The following ADAM19 variants were observed in gnomAD, a reference collection of about 807,000 sequenced individuals.
The protein encoded by ADAM19 is ADAM metallopeptidase domain 19, also known as disintegrin and metalloproteinase domain-containing protein 19.
Under a neutral mutation model 114.7 loss-of-function variants are expected in ADAM19, and 65 were observed. The observed-to-expected ratio is 0.57, with a 90% CI of 0.46 to 0.70. ADAM19 has a LOEUF of 0.70. ADAM19 is among the 30% of genes least tolerant of loss of function. The probability of loss-of-function intolerance (pLI) is 0.00; values close to 1 mark genes in which losing one functional copy is unlikely to be tolerated. For missense variants in ADAM19, 1,063 were observed against 1,204.7 expected (o/e 0.88, Z 1.74); for synonymous variants, 466 against 460.5 (o/e 1.01, Z -0.15).
At chr5:157,482,172 CAT>C (rs1420075909) in intron 21 of ADAM19, among the ~76,000 whole-genome samples, 1 of 152,084 alleles carries the variant, frequency 6.6e-6, no homozygotes. Flanking sequence ...ATCTTTTTTT[CAT>C]ATGTTTGTTG....
At chr5:157,500,713 G>A (rs1755532270) in intron 12 of ADAM19, among the ~76,000 whole-genome samples, 1 of 152,040 alleles carries the variant, frequency 6.6e-6, no homozygotes, top group Admixed American at 6.6e-5. Flanking sequence ...TCCTGGCCTG[G>A]ACCTTTCTGG....
chr5:157,533,042 G>C (rs545025374), intron 4 of ADAM19, among the ~76,000 whole-genome samples: 1 of 151,990 alleles, frequency 6.6e-6, no homozygotes, highest in Admixed American at 6.6e-5. Context: ...GCCTCAAGGC[G>C]CCTGGAAGCC....
chr5:157,562,817 G>A (rs942145933), intron 3 of ADAM19, among the ~76,000 whole-genome samples: 11 of 152,296 alleles, frequency 7.2e-5, no homozygotes, highest in African/African-American at 2.4e-4. Flanking sequence ...TTTCAAAATA[G>A]GAGGGAAGGA....
intron 7 of ADAM19, among the ~76,000 whole-genome samples, chr5:157,516,374 C>T (rs1449054394): frequency 3.9e-5 from 6 of 152,224 alleles, no homozygotes; most frequent in Admixed American, 1.3e-4. Context: ...ATGGCTCTAG[C>T]TGACACCAGA....
intron 3 of ADAM19, among the ~76,000 whole-genome samples, chr5:157,555,781 T>C (rs1468076858): frequency 1.3e-5 from 2 of 152,140 alleles, no homozygotes; most frequent in South Asian, 2.1e-4. Flanking sequence ...ATGAAATCGG[T>C]ATTATTGGGC....
intron 21 of ADAM19, among the ~76,000 whole-genome samples, chr5:157,483,251 A>C (rs1289926990): frequency 6.6e-6 from 1 of 152,226 alleles, no homozygotes; most frequent in East Asian, 1.9e-4. Context: ...TAGTAATTCT[A>C]CTTCTTCTGA....
chr5:157,490,955 C>T (rs1349276801), intron 18 of ADAM19, among the ~76,000 whole-genome samples: 1 of 151,852 alleles, frequency 6.6e-6, no homozygotes, highest in African/African-American at 2.4e-5. Flanking sequence ...ACATCTCACC[C>T]ATAATCCATA....
chr5:157,481,520 G>A, intron 22 of ADAM19: 1 of 1,204,128 alleles, frequency 8.3e-7, no homozygotes, highest in Non-Finnish European at 1.1e-6. Flanking sequence ...GACTCAAGAG[G>A]GACTTGCTCA....
chr5:157,563,139 C>T (rs949463546), intron 3 of ADAM19, among the ~76,000 whole-genome samples: 2 of 151,992 alleles, frequency 1.3e-5, no homozygotes, highest in Admixed American at 6.6e-5. Context: ...ATAGACGCTG[C>T]ACTGTCTAGG....
Position 157,530,891 on chromosome 5 carries a change from G to A in ADAM19, c.331-8C>T, listed in dbSNP as rs984248791. On this transcript the variant is annotated splice_region_variant and splice_polypyrimidine_tract_variant and intron_variant, in intron 4 of 22. Transcript: ENST00000257527. ...GTGGTAAAAGCAGTGATCCTAGCAAGGAGAAAGGAGGTGGTCAGGCTAAAG... is the reference window on the plus strand; with the variant it reads ...GTGGTAAAAGCAGTGATCCTAGCAAAGAGAAAGGAGGTGGTCAGGCTAAAG... 5 of 1,612,500 alleles carry A rather than the reference G, an allele frequency of 3.1e-6. No homozygotes were observed. The highest frequency in any genetic ancestry group is 4.2e-6 in the Non-Finnish European group (5 of 1,178,542).
At chr5:157,484,500 T>C (rs764435043) in intron 21 of ADAM19, among the ~76,000 whole-genome samples, 2 of 152,180 alleles carry the variant, frequency 1.3e-5, no homozygotes, top group Non-Finnish European at 2.9e-5. Flanking sequence ...GGAGTTCCAG[T>C]GCCTGCTCCC....
intron 4 of ADAM19, among the ~76,000 whole-genome samples, chr5:157,533,566 AG>A (rs1756682558): frequency 6.6e-6 from 1 of 152,150 alleles, no homozygotes; most frequent in Non-Finnish European, 1.5e-5. Flanking sequence ...TGGGGAGAAG[AG>A]GGGCCGGGCC....
At chr5:157,507,561 C>A (rs528727111) in intron 9 of ADAM19, among the ~76,000 whole-genome samples, 228 of 152,326 alleles carry the variant, frequency 1.5e-3, no homozygotes, top group African/African-American at 5.0e-3. Context: ...GGATCCAATA[C>A]CTTACCCCTG....
rs1041942936 is a variant in ADAM19 at position 157,571,049 on chromosome 5, T to C, written c.95-69A>G. The stretch of plus-strand genomic sequence containing the variant: ...TACCCCAGCTAAGCCACACATGCAC[T>C]TTCTGTGAGCTGCCCCTGCACTGGG... On this transcript the variant is annotated intron_variant, in intron 1 of 22. Coordinates refer to ENST00000257527, the MANE Select transcript of ADAM19 (RefSeq NM_033274.5). 2.9e-6 allele frequency: 4 copies of C among 1,367,400 alleles called. No individual in the cohort carries two copies. In the African/African-American group the frequency reaches 5.8e-5, roughly 20 times the overall value. 84.7% of individuals were successfully genotyped at this position (1,367,400 alleles called of 1,614,324 possible).
intron 15 of ADAM19, among the ~76,000 whole-genome samples, chr5:157,494,113 T>C (rs760811346): frequency 6.6e-6 from 1 of 152,202 alleles, no homozygotes; most frequent in Admixed American, 6.5e-5. Context: ...CTTCAATAGA[T>C]AGTAGATAGA....
At chr5:157,487,666 G>A (rs1253890745) in intron 21 of ADAM19, among the ~76,000 whole-genome samples, 2 of 144,616 alleles carry the variant, frequency 1.4e-5, no homozygotes, top group East Asian at 2.3e-4. Flanking sequence ...CAGGGCTGGT[G>A]GGGGAGAGTC....
At position 157,507,114 on chromosome 5, in the gene ADAM19, A is replaced by G; in HGVS notation, c.932T>C (p.Ile311Thr). ...ITGMSFHGTT[I>T]GLAPLMAMCS... is the part of the protein sequence containing the mutation. ...CATGGCCATGAGGGGGGCCAGGCCG[A>G]TGGTGGTGCCGTGGAAGGACATGCC... Residue 311 changes from isoleucine to threonine, a missense_variant, in exon 10 of 23, where the codon ATC becomes ACC. Ile to Thr is a moderately conservative substitution (Grantham distance 89, BLOSUM62 -1). Coordinates refer to ENST00000257527, the MANE Select transcript of ADAM19 (RefSeq NM_033274.5). 1 of 1,614,054 alleles carries G rather than the reference A, an allele frequency of 6.2e-7. No homozygotes were observed. The highest frequency in any genetic ancestry group is 8.5e-7 in the Non-Finnish European group (1 of 1,179,982).
At chr5:157,566,759 C>T (rs1463821466) in intron 2 of ADAM19, 2 of 152,152 alleles carry the variant, frequency 1.3e-5, no homozygotes, top group African/African-American at 4.8e-5. Context: ...AATCACGGCT[C>T]ACTGCAGCCT....
intron 3 of ADAM19, among the ~76,000 whole-genome samples, chr5:157,555,418 C>T (rs773261113): frequency 6.6e-6 from 1 of 152,274 alleles, no homozygotes; most frequent in South Asian, 2.1e-4. Flanking sequence ...GAACATGACC[C>T]GGAACTTGGG....
Sources: allele counts gnomAD v4.1 joint callset (sites outside exome capture counted in the v4.1 genomes callset), GRCh38; gene constraint gnomAD v4.1.1; transcripts MANE v1.5; gene names NCBI Gene and HGNC (gene_info 2026-07-23, HGNC 2026-07-21).